VMP1: variants seen among roughly 807,000 people sequenced by gnomAD.
VMP1 encodes vacuole membrane protein 1.
A neutral mutation model predicts 56.0 loss-of-function variants in VMP1; 11 were observed. The ratio of observed to expected loss-of-function variants is 0.20; its 90% confidence interval spans 0.12 to 0.32. VMP1 has a LOEUF of 0.32. VMP1 is among the 10% of genes least tolerant of loss of function. The pLI is 1.00. For synonymous variants in VMP1, 149 were observed against 165.0 expected (o/e 0.90, Z 0.74); for missense variants, 296 against 490.3 (o/e 0.60, Z 3.74).
intron 1 of VMP1, among the ~76,000 whole-genome samples, chr17:59,729,424 A>T (rs1408534010): frequency 2.7e-5 from 4 of 148,510 alleles, no homozygotes; most frequent in African/African-American, 5.0e-5. Context: ...CAGAGGTTGC[A>T]GTGAGCCAAG....
chr17:59,708,045 A>C (rs1175871330), intron 1 of VMP1: 1 of 151,990 alleles, frequency 6.6e-6, no homozygotes, highest in African/African-American at 2.4e-5. Flanking sequence ...TCTTTAGAGA[A>C]CCTCTTAGTC....
At chr17:59,837,464 A>G (rs913830561) in intron 10 of VMP1, among the ~76,000 whole-genome samples, 2 of 152,182 alleles carry the variant, frequency 1.3e-5, no homozygotes, top group African/African-American at 4.8e-5. Context: ...TGTTAGCTAC[A>G]GTTGCCAAAC....
intron 1 of VMP1, among the ~76,000 whole-genome samples, chr17:59,729,365 C>A (rs1234620192): frequency 3.3e-5 from 5 of 151,822 alleles, no homozygotes; most frequent in African/African-American, 1.2e-4. Flanking sequence ...CACCTGTAAT[C>A]CCAGTTACCT....
At chr17:59,764,817 A>G (rs1180980762) in intron 5 of VMP1, among the ~76,000 whole-genome samples, 154 bp from the exon 6 acceptor site, 4 of 152,152 alleles carry the variant, frequency 2.6e-5, no homozygotes, top group Admixed American at 2.6e-4. Context: ...TATTTTCTTC[A>G]TATTACTAAC....
chr17:59,803,914 A>G (rs554238383), intron 7 of VMP1, among the ~76,000 whole-genome samples: 1 of 151,280 alleles, frequency 6.6e-6, no homozygotes, highest in South Asian at 2.1e-4. Context: ...GAACAGCAAA[A>G]TTTGTTTAAA....
chr17:59,794,230 T>C (rs1249726741), intron 7 of VMP1, among the ~76,000 whole-genome samples: 1 of 141,818 alleles, frequency 7.1e-6, no homozygotes, highest in East Asian at 2.1e-4. Flanking sequence ...TTTTTTTTTT[T>C]TTTTTTTTTT....
intron 7 of VMP1, among the ~76,000 whole-genome samples, chr17:59,785,373 C>G (rs907283367): frequency 4.6e-5 from 7 of 152,200 alleles, no homozygotes; most frequent in African/African-American, 1.7e-4. Context: ...TAAAACTTCA[C>G]CTTTTCAAAG....
chr17:59,754,640 A>G (rs1346056288), intron 5 of VMP1, among the ~76,000 whole-genome samples: 1 of 152,192 alleles, frequency 6.6e-6, no homozygotes, highest in Non-Finnish European at 1.5e-5. Context: ...AACTATGGCT[A>G]TAAGCATGCA....
chr17:59,810,972 T>C (rs1455763684), intron 8 of VMP1, among the ~76,000 whole-genome samples: 2 of 152,218 alleles, frequency 1.3e-5, no homozygotes, highest in Admixed American at 6.5e-5. Flanking sequence ...AAGGTATTTG[T>C]TGTGAATTAC....
At chr17:59,751,402 G>T (rs1187788139) in intron 5 of VMP1, among the ~76,000 whole-genome samples, 1 of 151,890 alleles carries the variant, frequency 6.6e-6, no homozygotes, top group Non-Finnish European at 1.5e-5. Flanking sequence ...GACCTCTTTG[G>T]TTCATCTCTA....
At chr17:59,740,421 C>A (rs916725238) in intron 5 of VMP1, among the ~76,000 whole-genome samples, 2 of 152,172 alleles carry the variant, frequency 1.3e-5, no homozygotes, top group African/African-American at 4.8e-5. Context: ...GAATAAAATT[C>A]ATCACTACAA....
chr17:59,832,348 A>G (rs181917764), intron 10 of VMP1, among the ~76,000 whole-genome samples: 297 of 151,008 alleles, frequency 2.0e-3, no homozygotes, highest in African/African-American at 7.0e-3. Flanking sequence ...TATTTTTAGT[A>G]GAGACAGGAT....
At chr17:59,771,622 T>A (rs1240580541) in intron 6 of VMP1, among the ~76,000 whole-genome samples, 2 of 149,228 alleles carry the variant, frequency 1.3e-5, no homozygotes, top group East Asian at 3.9e-4. Flanking sequence ...TTTTTTTTTT[T>A]TTTGAGACAG....
At chr17:59,789,032 T>A (rs555750798) in intron 7 of VMP1, among the ~76,000 whole-genome samples, 1 of 151,496 alleles carries the variant, frequency 6.6e-6, no homozygotes, top group Admixed American at 6.6e-5. Context: ...GGCTCATGCC[T>A]GTAATCCTAG....
At chr17:59,783,181 GCGAGACT>G (rs2144082509) in intron 7 of VMP1, among the ~76,000 whole-genome samples, 1 of 152,278 alleles carries the variant, frequency 6.6e-6, no homozygotes, top group African/African-American at 2.4e-5. Context: ...GGGCGACAGA[GCGAGACT>G]CTGTCTCAAA....
At chr17:59,772,958 T>C (rs2036485610) in intron 6 of VMP1, among the ~76,000 whole-genome samples, 1 of 62,136 alleles carries the variant, frequency 1.6e-5, no homozygotes, top group Non-Finnish European at 2.9e-5. Context: ...TTCTTTTTTT[T>C]TTTTTTTTTT....
chr17:59,751,617 G>A (rs1433494065), intron 5 of VMP1, among the ~76,000 whole-genome samples: 5 of 144,624 alleles, frequency 3.5e-5, no homozygotes, highest in South Asian at 4.7e-4. Context: ...TGGGGGGGGC[G>A]CCTGTAATCC....
At chr17:59,746,625 T>C (rs1239666165) in intron 5 of VMP1, among the ~76,000 whole-genome samples, 1 of 152,226 alleles carries the variant, frequency 6.6e-6, no homozygotes, top group Non-Finnish European at 1.5e-5. Flanking sequence ...CCATCAAGTT[T>C]TGTAAATCGA....
intron 7 of VMP1, among the ~76,000 whole-genome samples, chr17:59,788,675 C>T (rs767844039): frequency 6.0e-5 from 9 of 151,030 alleles, no homozygotes; most frequent in South Asian, 4.2e-4. Flanking sequence ...GGTGTGCTGG[C>T]GGGTGCTTCT....
Sources: allele counts gnomAD v4.1 joint callset (sites outside exome capture counted in the v4.1 genomes callset), GRCh38; gene constraint gnomAD v4.1.1; transcripts MANE v1.5; gene names NCBI Gene and HGNC (gene_info 2026-07-23, HGNC 2026-07-21).